Variants in NUB1 observed in about 807,000 individuals in gnomAD.
NUB1 encodes NEDD8 ultimate buster 1.
In NUB1, 41 loss-of-function variants were observed where a neutral mutation model predicts 77.1. The ratio of observed to expected loss-of-function variants is 0.53; its 90% CI spans 0.41 to 0.69. NUB1 has a LOEUF of 0.69. Among genes scored for constraint, NUB1 ranks in the 30% least tolerant of loss-of-function variants. The pLI, the probability that NUB1 is intolerant of heterozygous loss-of-function variation, is 0.00. For missense variants in NUB1, 643 were observed against 743.8 expected (o/e 0.86, Z 1.58); for synonymous variants, 257 against 281.0 (o/e 0.91, Z 0.85).
intron 5 of NUB1, among the ~76,000 whole-genome samples, chr7:151,354,429 G>C (rs569385276): frequency 3.3e-5 from 5 of 151,144 alleles, no homozygotes; most frequent in African/African-American, 9.7e-5. Flanking sequence ...AATCCAGCTA[G>C]TTTTCCAGAA....
intron 8 of NUB1, among the ~76,000 whole-genome samples, chr7:151,363,526 T>G (rs1048398464): frequency 6.6e-6 from 1 of 151,022 alleles, no homozygotes; most frequent in Non-Finnish European, 1.5e-5. Context: ...TGCATGTAAT[T>G]GGAGTCCCTG....
chr7:151,345,812 C>T (rs1051346083), intron 2 of NUB1, among the ~76,000 whole-genome samples: 42 of 152,270 alleles, frequency 2.8e-4, no homozygotes, highest in African/African-American at 1.0e-3. Flanking sequence ...GGCTCATTCT[C>T]GGTCCTCCTT....
At position 151,376,852 on chromosome 7, in the gene NUB1, G is replaced by A. The variant is rs1440145671; in HGVS notation, c.1669+41G>A. On this transcript the variant is annotated intron_variant, in intron 14 of 14. Coordinates refer to ENST00000568733, the MANE Select transcript of NUB1 (RefSeq NM_001243351.2). ...TTGAGGGCCGCATTGAGAGCAAAGTGTCTTCAGAAGCCAACAGATGTGGCC... is the reference window on the plus strand; with the variant it reads ...TTGAGGGCCGCATTGAGAGCAAAGTATCTTCAGAAGCCAACAGATGTGGCC... 15 of 1,536,530 alleles carry A rather than the reference G, an allele frequency of 9.8e-6. No individual in the cohort carries two copies. The African/African-American group carries it at 1.2e-4, about 13-fold the overall frequency.
At chr7:151,355,356 G>C (rs1427545274) in intron 5 of NUB1, among the ~76,000 whole-genome samples, 23 of 152,216 alleles carry the variant, frequency 1.5e-4, no homozygotes, top group African/African-American at 4.6e-4. Flanking sequence ...TACCAATTAT[G>C]TGGCGTGATG....
Position 151,349,189 on chromosome 7 carries a change from A to C in NUB1, c.234A>C (p.Arg78Ser). The C allele has an allele frequency of 6.2e-7, 1 of 1,613,060 alleles. No individual in the cohort carries two copies. Among genetic ancestry groups the C allele is most frequent in the Non-Finnish European group, 8.5e-7 (1 of 1,179,602 alleles). The part of the protein sequence containing the change: ...IERGTGNDNY[R>S]TTGIATIEVF... ...GTGGAACAGGAAATGACAATTATAG[A>C]ACAACGGGAATTGCTACAATCGAGG... The change falls in exon 3 of 15, where the codon AGA (arginine) becomes AGC (serine). Residue 78 changes from arginine to serine, a missense_variant. By Grantham distance (110) the Arg-to-Ser change is moderately radical. Transcript: ENST00000568733.
At chr7:151,363,453 T>TAAAA (rs34455667) in intron 8 of NUB1, among the ~76,000 whole-genome samples, 2,038 of 140,544 alleles carry the variant, frequency 0.015, 44 homozygotes, top group African/African-American at 0.05. Flanking sequence ...GAGAAAAGGC[T>TAAAA]AAAAAAAAAA....
chr7:151,364,750 A>G (rs1797585102), intron 8 of NUB1, among the ~76,000 whole-genome samples: 1 of 152,236 alleles, frequency 6.6e-6, no homozygotes, highest in Admixed American at 6.5e-5. Context: ...CTCTGACCTC[A>G]GGTGATCTGC....
At chr7:151,370,236 AC>A (rs1279181876) in intron 11 of NUB1, among the ~76,000 whole-genome samples, 1 of 151,934 alleles carries the variant, frequency 6.6e-6, no homozygotes, top group African/African-American at 2.4e-5. Flanking sequence ...ACAGGTGCCC[AC>A]CACCACGCCC....
In NUB1 at chr7:151,375,923, T is replaced by G. The variant is rs772303473; in HGVS notation, c.1471T>G (p.Ser491Ala). 23 of 1,611,812 alleles carry G rather than the reference T, an allele frequency of 1.4e-5. No individual in the cohort carries two copies. Among genetic ancestry groups the G allele is most frequent in the Non-Finnish European group, 1.7e-6 (2 of 1,178,074 alleles). ...AACCGACAACCGTCAAGAAAGTCCT[T>G]CCCAGGAAAACATTGACCGAGTGAG... Reference protein sequence around the residue: ...PETDNRQESPSQENIDRLVYM... With the variant: ...PETDNRQESPAQENIDRLVYM... Residue 491 changes from serine to alanine, a missense_variant, in exon 13 of 15, where the codon TCC (serine) becomes GCC (alanine). Transcript: ENST00000568733.
chr7:151,353,831 C>A (rs1796936613), intron 5 of NUB1, among the ~76,000 whole-genome samples: 1 of 152,154 alleles, frequency 6.6e-6, no homozygotes, highest in South Asian at 2.1e-4. Context: ...CTAAGACAGC[C>A]CTTCACAGCT....
At position 151,374,004 on chromosome 7, in the gene NUB1, C is replaced by T. The variant is rs970043924; in HGVS notation, c.1249-93C>T. ...GCTTTGCTTTGGTTTTTTGGCTTTG[C>T]CTGGAAATGCGGAGAATCCTGCAGA... On this transcript the variant is annotated intron_variant, in intron 11 of 14. Transcript: ENST00000568733. 30 of 1,395,338 alleles carry T rather than the reference C, an allele frequency of 2.2e-5. No homozygotes were observed. The African/African-American group carries it at 4.1e-4, about 19-fold the overall frequency. The allele number at this position is 1,395,338 out of a possible 1,614,324, so 86.4% of individuals were successfully genotyped here.
At position 151,367,766 on chromosome 7, in the gene NUB1, C is replaced by T. The variant is rs1268678597; in HGVS notation, c.988-95C>T. On this transcript the variant is annotated intron_variant, in intron 9 of 14. Coordinates refer to ENST00000568733, the MANE Select transcript of NUB1 (RefSeq NM_001243351.2). ...GGACATTTTAATACCTATCATGTTG[C>T]CCCTCTGGAGACCAAGGGAATGACA... The T allele has an allele frequency of 5.3e-6, 4 of 755,682 alleles. No homozygotes were observed. The East Asian group carries it at 1.1e-4, about 21-fold the overall frequency. The allele number at this position is 755,682 out of a possible 1,614,324, so 46.8% of individuals were successfully genotyped here.
chr7:151,360,137 C>G lies in NUB1; in HGVS notation c.694-4C>G, dbSNP rs1401589897. 9 of 1,465,454 alleles carry G rather than the reference C, an allele frequency of 6.1e-6. No individual in the cohort carries two copies. The highest frequency in any genetic ancestry group is 8.5e-6 in the Non-Finnish European group (9 of 1,058,242). 90.8% of individuals were successfully genotyped at this position (1,465,454 alleles called of 1,614,324 possible). On this transcript the variant is annotated splice_polypyrimidine_tract_variant and splice_region_variant and intron_variant, in intron 7 of 14. Transcript: ENST00000568733. ...ATGTTTTTTAAATTTGTATTTTTTCCTAGGCCCTTATGTTAGCTATGGGAT... is the reference window on the plus strand; with the variant it reads ...ATGTTTTTTAAATTTGTATTTTTTCGTAGGCCCTTATGTTAGCTATGGGAT...
At position 151,376,891 on chromosome 7, in the gene NUB1, G is replaced by T. The variant is rs1348619694; in HGVS notation, c.1669+80G>T. 5 of 1,480,768 alleles carry T rather than the reference G, an allele frequency of 3.4e-6. No individual in the cohort carries two copies. The Admixed American group carries it at 1.1e-4, about 33-fold the overall frequency. The allele number at this position is 1,480,768 out of a possible 1,614,324, so 91.7% of individuals were successfully genotyped here. A position where few individuals can be genotyped will look rare whatever the true frequency, so the allele number is the denominator to read the frequency against. ...ACAGATGTGGCCCTAAGCCACGGCA[G>T]ATGTGGAGACTGAGGGGGCGTCCCC... On this transcript the variant is annotated intron_variant, in intron 14 of 14. Coordinates refer to ENST00000568733, the MANE Select transcript of NUB1 (RefSeq NM_001243351.2).
intron 8 of NUB1, 96 bp downstream of exon 8, chr7:151,360,343 T>G: frequency 1.6e-6 from 1 of 621,806 alleles, no homozygotes; most frequent in South Asian, 2.1e-5. Context: ...CAGACTTTCA[T>G]CTACAACAGT....
At chr7:151,347,394 C>T (rs751325033) in intron 2 of NUB1, among the ~76,000 whole-genome samples, 55 of 145,586 alleles carry the variant, frequency 3.8e-4, no homozygotes, top group African/African-American at 9.2e-4. Context: ...GCCTGGGCAA[C>T]GTAGTGAGAC....
intron 7 of NUB1, among the ~76,000 whole-genome samples, chr7:151,359,635 G>A (rs919944299): frequency 2.0e-5 from 3 of 151,116 alleles, no homozygotes; most frequent in Non-Finnish European, 4.4e-5. Context: ...AAATTAGCCG[G>A]GCATGGTGGC....
intron 13 of NUB1, 97 bp from the exon 14 acceptor site, chr7:151,376,537 T>G: frequency 8.4e-7 from 1 of 1,189,940 alleles, no homozygotes; most frequent in Non-Finnish European, 1.2e-6. Flanking sequence ...CGCCGGGAGC[T>G]CTTAAACATG....
In NUB1 at chr7:151,362,163, T is replaced by C. The variant is rs547773069; in HGVS notation, c.800+1916T>C. On this transcript the variant is annotated intron_variant, in intron 8 of 14. Coordinates refer to ENST00000568733, the MANE Select transcript of NUB1 (RefSeq NM_001243351.2). ...CAAATTTGGCTACATCTTCAGTTCA[T>C]GATACATTAACATGTCCGGTAAGTG... is the stretch of plus-strand genomic sequence containing the variant. 2.0e-5 allele frequency among the ~76,000 whole-genome samples: 3 copies of C among 152,300 alleles called. No homozygotes were observed. In the South Asian group the frequency reaches 6.2e-4, roughly 32 times the overall value.
Sources: allele counts gnomAD v4.1 joint callset (sites outside exome capture counted in the v4.1 genomes callset), GRCh38; gene constraint gnomAD v4.1.1; transcripts MANE v1.5; gene names NCBI Gene and HGNC (gene_info 2026-07-23, HGNC 2026-07-21).